Variants in ACOXL observed in about 807,000 individuals in gnomAD.
The protein encoded by ACOXL is acyl-coenzyme A oxidase-like protein.
Under a neutral mutation model 71.9 loss-of-function variants are expected in ACOXL, and 70 were observed. That is an observed-to-expected ratio of 0.97 (90% confidence interval 0.80 to 1.19). The LOEUF is 1.19. Among genes scored for constraint, ACOXL ranks in the 50% most tolerant of loss-of-function variants. The pLI is 0.00. For synonymous variants in ACOXL, 253 were observed against 281.6 expected, an observed-to-expected ratio of 0.90 and a Z score of 1.02; for missense variants, 703 against 736.3, an observed-to-expected ratio of 0.95 and a Z score of 0.52.
chr2:111,034,674 G>C (rs2065425495), intron 15 of ACOXL, among the ~76,000 whole-genome samples: 2 of 152,196 alleles, frequency 1.3e-5, no homozygotes, highest in African/African-American at 4.8e-5. Context: ...TCTGTAATGA[G>C]GAGGTCTGTA....
At chr2:110,809,165 A>G (rs1421732277) in intron 9 of ACOXL, among the ~76,000 whole-genome samples, 1 of 152,214 alleles carries the variant, frequency 6.6e-6, no homozygotes, top group African/African-American at 2.4e-5. Flanking sequence ...TTCTGTCCAG[A>G]ACCAGGAGTC....
chr2:111,023,550 T>C (rs2064876996), intron 14 of ACOXL, among the ~76,000 whole-genome samples: 1 of 151,924 alleles, frequency 6.6e-6, no homozygotes, highest in African/African-American at 2.4e-5. Context: ...TGGGTCCGGA[T>C]GGGTGTGGGG....
At chr2:110,972,617 T>C (rs2062249355) in intron 12 of ACOXL, among the ~76,000 whole-genome samples, 1 of 143,004 alleles carries the variant, frequency 7.0e-6, no homozygotes, top group African/African-American at 2.7e-5. Flanking sequence ...CATCTCTGTC[T>C]CTCTCACACG....
intron 1 of ACOXL, among the ~76,000 whole-genome samples, chr2:110,764,076 C>G (rs1402267308): frequency 6.6e-6 from 1 of 152,174 alleles, no homozygotes; most frequent in Admixed American, 6.5e-5. Context: ...TTATTCATTG[C>G]TGGTAAGAAT....
intron 9 of ACOXL, among the ~76,000 whole-genome samples, chr2:110,806,486 G>C (rs1351928698): frequency 6.6e-6 from 1 of 152,200 alleles, no homozygotes; most frequent in Non-Finnish European, 1.5e-5. Context: ...TCAGAGTGCC[G>C]AGGAAAACTG....
chr2:110,812,442 T>G (rs1687443453), intron 9 of ACOXL, among the ~76,000 whole-genome samples: 1 of 152,168 alleles, frequency 6.6e-6, no homozygotes, highest in East Asian at 1.9e-4. Flanking sequence ...AATAGTTACC[T>G]TTTCTGCTCC....
chr2:110,882,970 A>C (rs761450113), intron 10 of ACOXL, among the ~76,000 whole-genome samples: 2 of 152,220 alleles, frequency 1.3e-5, no homozygotes, highest in Non-Finnish European at 2.9e-5. Context: ...TTTCTGGCTC[A>C]GCTTTTTCTG....
chr2:110,783,421 G>A (rs1389127398), intron 2 of ACOXL, among the ~76,000 whole-genome samples: 1 of 152,144 alleles, frequency 6.6e-6, no homozygotes, highest in African/African-American at 2.4e-5. Flanking sequence ...TGGAGCCATG[G>A]TAAGAGTCAT....
chr2:110,752,766 A>G (rs1239213581), intron 1 of ACOXL, among the ~76,000 whole-genome samples: 1 of 152,062 alleles, frequency 6.6e-6, no homozygotes, highest in Non-Finnish European at 1.5e-5. Context: ...TTAGCTATCT[A>G]CTGATATGTA....
intron 14 of ACOXL, among the ~76,000 whole-genome samples, chr2:111,022,206 A>G (rs2064795381): frequency 6.6e-6 from 1 of 151,940 alleles, no homozygotes; most frequent in Non-Finnish European, 1.5e-5. Flanking sequence ...CCACTAAACA[A>G]ATACAAAAAT....
At chr2:110,874,755 G>A (rs2612700) in intron 10 of ACOXL, among the ~76,000 whole-genome samples, 34,117 of 152,086 alleles carry the variant, frequency 0.22, 4,144 homozygotes, top group Non-Finnish European at 0.29. Context: ...TGCTGCTTGT[G>A]TTTTAGAATG....
At chr2:110,822,020 A>T (rs973862575) in intron 9 of ACOXL, among the ~76,000 whole-genome samples, 4 of 151,846 alleles carry the variant, frequency 2.6e-5, no homozygotes, top group African/African-American at 9.7e-5. Context: ...TGTATACAAG[A>T]TGCCCCAGGC....
chr2:110,830,594 C>T (rs911500791), intron 9 of ACOXL, among the ~76,000 whole-genome samples: 4 of 151,596 alleles, frequency 2.6e-5, no homozygotes, highest in South Asian at 2.1e-4. Flanking sequence ...AGTGCAGTGG[C>T]GCAATCTCGG....
At chr2:110,758,712 T>C (rs1328426923) in intron 1 of ACOXL, among the ~76,000 whole-genome samples, 1 of 152,232 alleles carries the variant, frequency 6.6e-6, no homozygotes, top group African/African-American at 2.4e-5. Flanking sequence ...TCTTGTCTTC[T>C]GCTAGCTTTG....
chr2:111,028,471 A>C (rs1358700419), intron 14 of ACOXL, among the ~76,000 whole-genome samples: 1 of 151,750 alleles, frequency 6.6e-6, no homozygotes, highest in Admixed American at 6.6e-5. Flanking sequence ...ATTCCTTTTT[A>C]ATCTCCTTTA....
At position 110,798,621 on chromosome 2, in the gene ACOXL, T is replaced by G; in HGVS notation, c.357T>G (p.Ile119Met). ...TFDLSAQEFV[I>M]DTPCENAEKM... ...CTTTTTCTGTGTAGGAGTTTGTAAT[T>G]GACACGCCGTGTGAAAATGCGGAGA... Residue 119 changes from isoleucine to methionine, a missense_variant, in exon 6 of 18, where the codon ATT (isoleucine) becomes ATG (methionine). Transcript: ENST00000439055. The G allele has an allele frequency of 1.2e-6, 2 of 1,613,834 alleles. No homozygotes were observed. Among genetic ancestry groups the G allele is most frequent in the East Asian group, 2.2e-5 (1 of 44,876 alleles).
intron 10 of ACOXL, among the ~76,000 whole-genome samples, chr2:110,883,675 A>G (rs539211877): frequency 3.3e-5 from 5 of 152,242 alleles, no homozygotes; most frequent in African/African-American, 1.2e-4. Flanking sequence ...ACACAACTCT[A>G]AGTGCTATTT....
chr2:110,980,578 A>T (rs1299873353), intron 12 of ACOXL, among the ~76,000 whole-genome samples: 2 of 152,202 alleles, frequency 1.3e-5, no homozygotes, highest in African/African-American at 2.4e-5. Flanking sequence ...GCTCTGCTTC[A>T]GGTCAGAAAT....
Position 110,793,634 on chromosome 2 carries a change from T to C in ACOXL, c.160-16T>C, listed in dbSNP as rs756767156. On this transcript the variant is annotated splice_polypyrimidine_tract_variant and intron_variant, in intron 3 of 17. Coordinates refer to ENST00000439055, the MANE Select transcript of ACOXL (RefSeq NM_001142807.4). ...TGACTGTTGCTAATGATGGTTTGTATTGTCCTTGTTTCCAGTGCGGAATAA... is the reference window on the plus strand; with the variant it reads ...TGACTGTTGCTAATGATGGTTTGTACTGTCCTTGTTTCCAGTGCGGAATAA... 11 of 1,609,924 alleles carry C rather than the reference T, an allele frequency of 6.8e-6. No homozygotes were observed. In the Admixed American group the frequency reaches 1.7e-4, roughly 24 times the overall value.
Sources: allele counts gnomAD v4.1 joint callset (sites outside exome capture counted in the v4.1 genomes callset), GRCh38; gene constraint gnomAD v4.1.1; transcripts MANE v1.5; gene names NCBI Gene and HGNC (gene_info 2026-07-23, HGNC 2026-07-21).